Variants in ZRANB3 observed in about 807,000 individuals in gnomAD.
ZRANB3 encodes the protein zinc finger RANBP2-type containing 3.
In ZRANB3, 125 loss-of-function variants were observed where a neutral mutation model predicts 133.8. That is an observed-to-expected ratio of 0.93 (90% CI 0.81 to 1.08). The LOEUF is 1.08. ZRANB3 is among the 50% of genes least tolerant of loss of function. The pLI is 0.00. For synonymous variants in ZRANB3, 387 were observed against 432.7 expected (o/e 0.89, Z 1.31); for missense variants, 1,229 against 1,275.5 (o/e 0.96, Z 0.56).
At chr2:135,231,157 G>A (rs1031729872) in intron 12 of ZRANB3, among the ~76,000 whole-genome samples, 1 of 152,018 alleles carries the variant, frequency 6.6e-6, no homozygotes, top group Admixed American at 6.5e-5. Context: ...CACTTATTGT[G>A]TGCCAAGCAT....
intron 3 of ZRANB3, among the ~76,000 whole-genome samples, chr2:135,366,512 T>C (rs1685946329): frequency 6.6e-6 from 1 of 152,124 alleles, no homozygotes; most frequent in Non-Finnish European, 1.5e-5. Flanking sequence ...GGCCACTGAA[T>C]ACTGAGATTA....
intron 3 of ZRANB3, among the ~76,000 whole-genome samples, chr2:135,379,558 C>G (rs544438360): frequency 6.6e-6 from 1 of 152,246 alleles, no homozygotes; most frequent in South Asian, 2.1e-4. Flanking sequence ...TCCGGCCAAA[C>G]TAAGCTTCAC....
intron 2 of ZRANB3, among the ~76,000 whole-genome samples, chr2:135,423,928 C>T (rs1574082510): frequency 6.6e-6 from 1 of 152,248 alleles, no homozygotes; most frequent in East Asian, 1.9e-4. Flanking sequence ...GTCAACAACC[C>T]CACAACCTCA....
intron 2 of ZRANB3, among the ~76,000 whole-genome samples, chr2:135,454,786 G>A (rs1199212711): frequency 4.6e-5 from 7 of 152,138 alleles, no homozygotes; most frequent in Non-Finnish European, 1.0e-4. Flanking sequence ...TTTCATGGCT[G>A]AGTAGTATTC....
chr2:135,414,223 G>T (rs556108752), intron 2 of ZRANB3, among the ~76,000 whole-genome samples: 17 of 152,132 alleles, frequency 1.1e-4, no homozygotes, highest in African/African-American at 3.4e-4. Flanking sequence ...CACGTGCAGA[G>T]ACACACATAG....
Position 135,284,661 on chromosome 2 carries a change from C to T in ZRANB3, c.967-8906G>A, listed in dbSNP as rs570260968. Among the ~76,000 whole-genome samples, 6 of 151,882 alleles carry T rather than the reference C, an allele frequency of 4.0e-5. No individual in the cohort carries two copies. In the East Asian group the frequency reaches 7.8e-4, roughly 20 times the overall value. ...TAATTTTTTGTATTTTTAGTAGAAACGGGGTTTCATCATGTTGGCCAGGAT... is the reference window on the plus strand; with the variant it reads ...TAATTTTTTGTATTTTTAGTAGAAATGGGGTTTCATCATGTTGGCCAGGAT... On this transcript the variant is annotated intron_variant, in intron 8 of 20. Transcript: ENST00000264159.
chr2:135,404,062 A>C (rs1292505787), intron 2 of ZRANB3, among the ~76,000 whole-genome samples: 1 of 152,236 alleles, frequency 6.6e-6, no homozygotes, highest in Admixed American at 6.5e-5. Flanking sequence ...CCTCCAAAGG[A>C]ACACAGCTCC....
intron 8 of ZRANB3, among the ~76,000 whole-genome samples, chr2:135,281,288 G>A (rs1681092262): frequency 6.6e-6 from 1 of 152,048 alleles, no homozygotes; most frequent in African/African-American, 2.4e-5. Context: ...TTTAAGTCCT[G>A]AAGTCCTCAG....
At chr2:135,202,159 A>G (rs1403814633) in intron 20 of ZRANB3, among the ~76,000 whole-genome samples, 4 of 152,218 alleles carry the variant, frequency 2.6e-5, no homozygotes, top group South Asian at 2.1e-4. Context: ...TTTAGATGAT[A>G]TAAGTTATGA....
intron 2 of ZRANB3, among the ~76,000 whole-genome samples, chr2:135,445,745 G>A (rs1689991623): frequency 2.7e-5 from 4 of 149,526 alleles, no homozygotes; most frequent in South Asian, 2.1e-4. Flanking sequence ...GTGCAGTGGC[G>A]GGTGCCTGTA....
At chr2:135,320,479 C>G (rs1334343271) in intron 6 of ZRANB3, among the ~76,000 whole-genome samples, 1 of 152,108 alleles carries the variant, frequency 6.6e-6, no homozygotes, top group Non-Finnish European at 1.5e-5. Flanking sequence ...GAAACATGAA[C>G]TTTCTTTTGA....
intron 3 of ZRANB3, among the ~76,000 whole-genome samples, chr2:135,388,077 A>T (rs1687060787): frequency 6.6e-6 from 1 of 152,208 alleles, no homozygotes; most frequent in Non-Finnish European, 1.5e-5. Context: ...CCACATGGCT[A>T]GGGAGGCTCC....
At chr2:135,238,016 T>A (rs949462635) in intron 12 of ZRANB3, among the ~76,000 whole-genome samples, 1 of 152,248 alleles carries the variant, frequency 6.6e-6, no homozygotes, top group African/African-American at 2.4e-5. Context: ...ATAACCTTGT[T>A]TTCAAGAAAT....
At chr2:135,353,058 T>C (rs934074629) in intron 4 of ZRANB3, among the ~76,000 whole-genome samples, 14 of 152,032 alleles carry the variant, frequency 9.2e-5, no homozygotes, top group African/African-American at 3.1e-4. Context: ...AATTAACAAA[T>C]TGGAAAGCAA....
rs1693468144 is a variant in ZRANB3, at chr2:135,197,824, C to G, written c.*2518G>C. ...ACTTCCCAGCTCTGTTCCCTGGACC[C>G]AGAGCCTTTTTTCTTTTTTGAGATG... On this transcript the variant is annotated 3_prime_UTR_variant, in exon 21 of 21. Transcript: ENST00000264159. 1 of 152,392 alleles carries G rather than the reference C, an allele frequency of 6.6e-6. No homozygotes were observed. The highest frequency in any genetic ancestry group is 2.4e-5 in the African/African-American group (1 of 41,446). 9.4% of individuals were successfully genotyped at this position (152,392 alleles called of 1,614,324 possible).
chr2:135,332,560 T>C (rs1359382429), intron 6 of ZRANB3, among the ~76,000 whole-genome samples: 1 of 152,196 alleles, frequency 6.6e-6, no homozygotes, highest in East Asian at 1.9e-4. Context: ...TTTTCATTTG[T>C]TAAAATGCTT....
At chr2:135,420,677 G>A (rs1324548933) in intron 2 of ZRANB3, among the ~76,000 whole-genome samples, 1 of 152,114 alleles carries the variant, frequency 6.6e-6, no homozygotes, top group Admixed American at 6.6e-5. Context: ...GGATTCCAAA[G>A]AGAGTAAGAG....
At chr2:135,406,558 T>C (rs1175055310) in intron 2 of ZRANB3, among the ~76,000 whole-genome samples, 1 of 152,160 alleles carries the variant, frequency 6.6e-6, no homozygotes, top group Non-Finnish European at 1.5e-5. Context: ...TGAACATCGA[T>C]GCAAAAATCC....
At chr2:135,251,455 T>C (rs1474743535) in intron 12 of ZRANB3, among the ~76,000 whole-genome samples, 1 of 152,114 alleles carries the variant, frequency 6.6e-6, no homozygotes, top group Non-Finnish European at 1.5e-5. Context: ...GGCGGAATGA[T>C]ATAGTTTGGC....
Sources: allele counts gnomAD v4.1 joint callset (sites outside exome capture counted in the v4.1 genomes callset), GRCh38; gene constraint gnomAD v4.1.1; transcripts MANE v1.5; gene names NCBI Gene and HGNC (gene_info 2026-07-23, HGNC 2026-07-21).